The following UMAD1 variants were observed in gnomAD, a reference collection of about 807,000 sequenced individuals.
The protein encoded by UMAD1 is UBAP1-MVB12-associated (UMA)-domain containing protein 1.
Under a neutral mutation model 6.1 loss-of-function variants are expected in UMAD1, and 8 were observed. That is an observed-to-expected ratio of 1.30 (90% confidence interval 0.76 to 2.35). The LOEUF (loss-of-function observed/expected upper bound fraction) is 2.35, where lower values mean the gene tolerates loss of function less well. Among genes scored for constraint, UMAD1 ranks in the 30% most tolerant of loss-of-function variants. The pLI, the probability that UMAD1 is intolerant of heterozygous loss-of-function variation, is 0.00. For missense variants in UMAD1, 130 were observed against 78.4 expected (o/e 1.66, Z -2.49); for synonymous variants, 56 against 31.4 (o/e 1.78, Z -2.61).
intron 3 of UMAD1, among the ~76,000 whole-genome samples, chr7:7,806,196 G>C (rs561862566): frequency 1.7e-4 from 25 of 151,476 alleles, no homozygotes; most frequent in African/African-American, 6.1e-4. Flanking sequence ...ACTATTATTA[G>C]ATGAGCAGTT....
At chr7:7,691,709 A>G (rs551618709) in intron 2 of UMAD1, among the ~76,000 whole-genome samples, 12 of 152,216 alleles carry the variant, frequency 7.9e-5, no homozygotes, top group Non-Finnish European at 1.3e-4. Flanking sequence ...TTTTTGTTCT[A>G]TGTATTTAAA....
intron 2 of UMAD1, among the ~76,000 whole-genome samples, chr7:7,743,964 T>C (rs1781521298): frequency 1.3e-5 from 2 of 152,110 alleles, no homozygotes; most frequent in Admixed American, 6.5e-5. Flanking sequence ...AAGTGTACGA[T>C]TCAATGGCTT....
chr7:7,649,686 G>A (rs1443624822), intron 1 of UMAD1, among the ~76,000 whole-genome samples: 1 of 151,170 alleles, frequency 6.6e-6, no homozygotes, highest in African/African-American at 2.4e-5. Context: ...ATTCTTGTTG[G>A]TGGGGGGGCC....
chr7:7,808,525 ATG>A (rs1782962944), intron 3 of UMAD1, among the ~76,000 whole-genome samples: 1 of 152,008 alleles, frequency 6.6e-6, no homozygotes, highest in South Asian at 2.1e-4. Flanking sequence ...GGAATCGAGA[ATG>A]TTAGTTTTAG....
intron 2 of UMAD1, among the ~76,000 whole-genome samples, chr7:7,686,340 A>C (rs1354289412): frequency 6.6e-6 from 1 of 152,178 alleles, no homozygotes; most frequent in Non-Finnish European, 1.5e-5. Context: ...GCCTTCTCAA[A>C]TGTTAGAATG....
chr7:7,671,400 G>T lies in UMAD1; in HGVS notation c.-63-1909G>T, dbSNP rs553869084. 2.0e-5 allele frequency among the ~76,000 whole-genome samples: 3 copies of T among 152,268 alleles called. No individual in the cohort carries two copies. In the South Asian group the frequency reaches 6.2e-4, roughly 32 times the overall value. Reference sequence around the variant, plus strand: ...CTGAACCGTTTTATCCCAAGAGAAAGAATTTACTGAGTGCCACATTAGTCT... The same window carrying T: ...CTGAACCGTTTTATCCCAAGAGAAATAATTTACTGAGTGCCACATTAGTCT... On this transcript the variant is annotated intron_variant, in intron 1 of 3. Transcript: ENST00000682710.
chr7:7,859,865 A>G (rs980126870), intron 3 of UMAD1, among the ~76,000 whole-genome samples: 4 of 152,254 alleles, frequency 2.6e-5, no homozygotes, highest in South Asian at 2.1e-4. Context: ...TTTTCACTAG[A>G]CTGTATTTTC....
At chr7:7,820,476 A>G (rs1253274636) in intron 3 of UMAD1, among the ~76,000 whole-genome samples, 1 of 152,232 alleles carries the variant, frequency 6.6e-6, no homozygotes, top group Non-Finnish European at 1.5e-5. Flanking sequence ...ACAAAAAGTA[A>G]CATTTATTTT....
intron 2 of UMAD1, among the ~76,000 whole-genome samples, chr7:7,796,213 G>T (rs916544457): frequency 6.8e-6 from 1 of 148,072 alleles, no homozygotes; most frequent in Non-Finnish European, 1.5e-5. Flanking sequence ...GCATTCTTCT[G>T]GCTGTACTTT....
At chr7:7,697,834 C>T (rs999329859) in intron 2 of UMAD1, among the ~76,000 whole-genome samples, 7 of 152,150 alleles carry the variant, frequency 4.6e-5, no homozygotes, top group East Asian at 1.9e-4. Context: ...CAATTTGAGA[C>T]GTATAAATCA....
intron 3 of UMAD1, among the ~76,000 whole-genome samples, chr7:7,821,914 A>G (rs1783248635): frequency 6.6e-6 from 1 of 152,126 alleles, no homozygotes; most frequent in Non-Finnish European, 1.5e-5. Context: ...ATAAATTACC[A>G]TGGCTGACCA....
intron 3 of UMAD1, among the ~76,000 whole-genome samples, chr7:7,837,087 A>G (rs969522983): frequency 6.6e-6 from 1 of 152,010 alleles, no homozygotes; most frequent in African/African-American, 2.4e-5. Flanking sequence ...ACCTTAAAAG[A>G]CTGCCTTAAA....
At chr7:7,827,351 G>T (rs1047600682) in intron 3 of UMAD1, among the ~76,000 whole-genome samples, 3 of 152,024 alleles carry the variant, frequency 2.0e-5, no homozygotes, top group African/African-American at 7.2e-5. Flanking sequence ...TAGATTAGTA[G>T]ATTTGGCAGG....
intron 2 of UMAD1, among the ~76,000 whole-genome samples, chr7:7,701,983 G>A (rs1285638041): frequency 6.6e-6 from 1 of 152,148 alleles, no homozygotes; most frequent in Non-Finnish European, 1.5e-5. Context: ...TTCCAAATAA[G>A]AGTGGCTCAT....
At chr7:7,792,441 A>G (rs569737721) in intron 2 of UMAD1, among the ~76,000 whole-genome samples, 1 of 152,366 alleles carries the variant, frequency 6.6e-6, no homozygotes, top group South Asian at 2.1e-4. Context: ...TAGAAAAAGT[A>G]GGAGGGGAAA....
chr7:7,854,121 C>G (rs1783970047), intron 3 of UMAD1, among the ~76,000 whole-genome samples: 1 of 151,872 alleles, frequency 6.6e-6, no homozygotes, highest in Admixed American at 6.6e-5. Context: ...TTTGGGAGGC[C>G]AAGGCAAGCA....
rs28916270 is a variant in UMAD1 at position 7,653,356 on chromosome 7, A to T, written c.-64+12535A>T. 6.6e-4 allele frequency among the ~76,000 whole-genome samples: 101 copies of T among 152,352 alleles called. 1 individual carries two copies. The highest frequency in any genetic ancestry group is 2.4e-3 in the African/African-American group (99 of 41,570). On this transcript the variant is annotated intron_variant, in intron 1 of 3. Transcript: ENST00000682710. ...CTGTAAATTGCCTTCTTTGTCAGTG[A>T]TTGAGATCCAAATGATAAATTCTTA...
chr7:7,729,880 C>T (rs890687489), intron 2 of UMAD1, among the ~76,000 whole-genome samples: 3 of 152,224 alleles, frequency 2.0e-5, no homozygotes, highest in Non-Finnish European at 4.4e-5. Flanking sequence ...GTCCCTCTTT[C>T]CTGCCACTAT....
intron 2 of UMAD1, among the ~76,000 whole-genome samples, chr7:7,701,657 A>G (rs1780466146): frequency 1.3e-5 from 2 of 152,208 alleles, no homozygotes; most frequent in Non-Finnish European, 2.9e-5. Flanking sequence ...ATAGTGAAAT[A>G]TGATTAGGAG....
Sources: allele counts gnomAD v4.1 joint callset (sites outside exome capture counted in the v4.1 genomes callset), GRCh38; gene constraint gnomAD v4.1.1; transcripts MANE v1.5; gene names NCBI Gene and HGNC (gene_info 2026-07-23, HGNC 2026-07-21).